Variants in CHRNA7 observed in about 807,000 individuals in gnomAD.
CHRNA7 encodes the protein cholinergic receptor nicotinic alpha 7 subunit.
Under a neutral mutation model 48.0 loss-of-function variants are expected in CHRNA7, and 17 were observed. The ratio of observed to expected loss-of-function variants is 0.35; its 90% CI spans 0.24 to 0.53. The LOEUF is 0.53. Ranked by LOEUF, CHRNA7 falls within the 20% of genes least tolerant of loss-of-function variation. The probability of loss-of-function intolerance (pLI) is 0.92; values close to 1 mark genes in which losing one functional copy is unlikely to be tolerated. For missense variants in CHRNA7, 155 were observed against 577.7 expected (o/e 0.27, Z 7.50); for synonymous variants, 75 against 242.3 (o/e 0.31, Z 6.41).
chr15:32,115,822 G>C (rs1175871714), intron 4 of CHRNA7, among the ~76,000 whole-genome samples: 1 of 152,118 alleles, frequency 6.6e-6, no homozygotes, highest in Non-Finnish European at 1.5e-5. Context: ...ATTATTAGGA[G>C]GAGGAGCGAA....
intron 3 of CHRNA7, among the ~76,000 whole-genome samples, chr15:32,110,769 T>C (rs1026961959): frequency 1.3e-5 from 2 of 152,244 alleles, no homozygotes; most frequent in African/African-American, 4.8e-5. Context: ...TTGAGGCATT[T>C]ATTTGTCTCA....
chr15:32,104,269 C>T (rs565157767), intron 3 of CHRNA7, among the ~76,000 whole-genome samples: 21 of 152,134 alleles, frequency 1.4e-4, no homozygotes, highest in South Asian at 8.3e-4. Flanking sequence ...CACCCGAGCC[C>T]GTGCCCCCCC....
chr15:32,075,184 ACTTT>A (rs1566821278), intron 2 of CHRNA7, among the ~76,000 whole-genome samples: 2 of 151,954 alleles, frequency 1.3e-5, no homozygotes, highest in Non-Finnish European at 2.9e-5. Flanking sequence ...TCTTTTTTAT[ACTTT>A]CTTTGTTTCT....
At chr15:32,054,879 G>A (rs2049758154) in intron 2 of CHRNA7, among the ~76,000 whole-genome samples, 1 of 152,240 alleles carries the variant, frequency 6.6e-6, no homozygotes, top group Admixed American at 6.5e-5. Flanking sequence ...ACGGACAGGA[G>A]TATGCATTTC....
chr15:32,117,401 G>A (rs1160448188), intron 4 of CHRNA7, among the ~76,000 whole-genome samples: 2 of 152,220 alleles, frequency 1.3e-5, no homozygotes, highest in African/African-American at 4.8e-5. Context: ...GCTTGCAGTA[G>A]GCAGCTGTCA....
intron 4 of CHRNA7, among the ~76,000 whole-genome samples, chr15:32,143,833 C>G (rs1344841259): frequency 1.3e-5 from 2 of 152,118 alleles, no homozygotes; most frequent in Non-Finnish European, 2.9e-5. Context: ...AGATGGGTCT[C>G]CTGAATACAG....
chr15:32,150,186 G>T (rs1477867312), intron 4 of CHRNA7, among the ~76,000 whole-genome samples: 1 of 152,132 alleles, frequency 6.6e-6, no homozygotes, highest in Non-Finnish European at 1.5e-5. Flanking sequence ...TGAGTAGCTG[G>T]AAACATAAGC....
At chr15:32,059,035 A>G (rs982681540) in intron 2 of CHRNA7, among the ~76,000 whole-genome samples, 4 of 150,526 alleles carry the variant, frequency 2.7e-5, no homozygotes, top group Non-Finnish European at 5.9e-5. Flanking sequence ...ACAGAGTCTT[A>G]CTCTGTTGCC....
chr15:32,150,603 C>A (rs1455066900), intron 4 of CHRNA7, among the ~76,000 whole-genome samples: 1 of 152,138 alleles, frequency 6.6e-6, no homozygotes, highest in African/African-American at 2.4e-5. Context: ...CATAAATTAA[C>A]ACAACGGTAG....
At chr15:32,133,166 A>C (rs1302239436) in intron 4 of CHRNA7, among the ~76,000 whole-genome samples, 1 of 152,218 alleles carries the variant, frequency 6.6e-6, no homozygotes, top group Non-Finnish European at 1.5e-5. Context: ...CCTTGTGTGC[A>C]TAGTAATCCC....
At chr15:32,101,459 ACC>A in intron 3 of CHRNA7, 112 bp downstream of exon 3, 1 of 1,164,972 alleles carries the variant, frequency 8.6e-7, no homozygotes, top group African/African-American at 1.7e-5. Flanking sequence ...AGGAAAAAAA[ACC>A]AAAAAAACAA....
At chr15:32,071,012 C>A (rs2050049970) in intron 2 of CHRNA7, among the ~76,000 whole-genome samples, 1 of 151,958 alleles carries the variant, frequency 6.6e-6, no homozygotes, top group South Asian at 2.1e-4. Flanking sequence ...TATCGATGTC[C>A]GATTGCTGCA....
chr15:32,062,196 C>G (rs759318556), intron 2 of CHRNA7, among the ~76,000 whole-genome samples: 1 of 152,194 alleles, frequency 6.6e-6, no homozygotes, highest in Admixed American at 6.5e-5. Flanking sequence ...TGGAGAACCT[C>G]ACAATACTGA....
intron 2 of CHRNA7, among the ~76,000 whole-genome samples, chr15:32,063,416 A>G (rs2049912092): frequency 2.0e-5 from 3 of 152,216 alleles, no homozygotes; most frequent in African/African-American, 7.2e-5. Context: ...ATAAAAATGC[A>G]AATGAGCTTC....
At chr15:32,111,665 A>G in intron 3 of CHRNA7, 125 bp from the exon 4 acceptor site, 2 of 601,684 alleles carry the variant, frequency 3.3e-6, no homozygotes, top group Non-Finnish European at 3.0e-6. Flanking sequence ...ATATTTTATA[A>G]ATAGCAATTC....
At chr15:32,045,294 A>G (rs1416417505) in intron 2 of CHRNA7, among the ~76,000 whole-genome samples, 2 of 152,132 alleles carry the variant, frequency 1.3e-5, no homozygotes, top group Non-Finnish European at 2.9e-5. Flanking sequence ...TTTGTCCCAG[A>G]CAATGTATGG....
rs1363740905 is a variant in CHRNA7 at position 32,042,284 on chromosome 15, TG to T, written c.195+11250del. Among the ~76,000 whole-genome samples the T allele has an allele frequency of 2.6e-5, 4 of 152,104 alleles. 1 individual carries two copies. Among genetic ancestry groups the T allele is most frequent in the African/African-American group, 7.2e-5 (3 of 41,470 alleles). On this transcript the variant is annotated intron_variant, in intron 2 of 9. Coordinates refer to ENST00000306901, the MANE Select transcript of CHRNA7 (RefSeq NM_000746.6). Reference sequence around the variant, plus strand: ...CTTGAGTGCGATAGGATGGCTAGAGTGGGTGGAGTTCAGTATTTCCCTTCCC... The same window carrying T: ...CTTGAGTGCGATAGGATGGCTAGAGTGGTGGAGTTCAGTATTTCCCTTCCC...
Position 32,169,205 on chromosome 15 carries a change from G to A in CHRNA7, c.*747G>A, listed in dbSNP as rs2052341938. On this transcript the variant is annotated 3_prime_UTR_variant, in exon 10 of 10. Coordinates refer to ENST00000306901, the MANE Select transcript of CHRNA7 (RefSeq NM_000746.6). ...TTTGGTGGATCCCAGATAACTCCTA[G>A]GTGCTGCTCTCAGACACTGAGGAGT... 1 of 147,236 alleles carries A rather than the reference G, an allele frequency of 6.8e-6. No individual in the cohort carries two copies. The highest frequency in any genetic ancestry group is 2.5e-5 in the African/African-American group (1 of 39,900). The allele number at this position is 147,236 out of a possible 1,614,324, so 9.1% of individuals were successfully genotyped here. A position where few individuals can be genotyped will look rare whatever the true frequency, so the allele number is the denominator to read the frequency against.
At chr15:32,052,845 A>G (rs2049716011) in intron 2 of CHRNA7, among the ~76,000 whole-genome samples, 1 of 152,206 alleles carries the variant, frequency 6.6e-6, no homozygotes, top group African/African-American at 2.4e-5. Context: ...ACAATAATTT[A>G]TTGTACATTT....
Sources: gnomAD v4.1 joint callset for allele counts (sites outside exome capture counted in the v4.1 genomes callset) on GRCh38, gnomAD v4.1.1 for gene constraint, MANE v1.5 for transcripts, NCBI Gene and HGNC (gene_info 2026-07-23, HGNC 2026-07-21) for gene names.